KIFC3: variants seen among roughly 807,000 people sequenced by gnomAD.
KIFC3 encodes the protein kinesin family member C3.
KIFC3 carries 60 observed loss-of-function variants against 101.8 expected under a neutral mutation model. The ratio of observed to expected loss-of-function variants is 0.59; its 90% CI spans 0.48 to 0.73. The LOEUF (loss-of-function observed/expected upper bound fraction) is 0.73. KIFC3 is among the 30% of genes least tolerant of loss of function. KIFC3 has a pLI of 0.00. For missense variants in KIFC3, 966 were observed against 1,137.1 expected, an observed-to-expected ratio of 0.85 and a Z score of 2.16; for synonymous variants, 476 against 482.7, an observed-to-expected ratio of 0.99 and a Z score of 0.18.
rs2050879769 is a variant in KIFC3, at chr16:57,769,443, A to G, written c.1218+152T>C. On this transcript the variant is annotated intron_variant, in intron 9 of 19. Transcript: ENST00000445690. The surrounding 1 kb of genome is among the most constrained non-coding windows in gnomAD (Gnocchi z 4.3). The stretch of plus-strand genomic sequence containing the variant: ...AGCAGTCTAGTTTCAAACAGGGCCT[A>G]TAAGGGCAGCAGTAAGTGTCATGGG... 4.3e-6 allele frequency: 4 copies of G among 930,352 alleles called. No individual in the cohort carries two copies. Among genetic ancestry groups the G allele is most frequent in the South Asian group, 3.4e-5 (2 of 58,072 alleles). The allele number at this position is 930,352 out of a possible 1,614,324, so 57.6% of individuals were successfully genotyped here.
intron 12 of KIFC3, among the ~76,000 whole-genome samples, chr16:57,763,454 T>A (rs1377531619): frequency 6.6e-6 from 1 of 151,856 alleles, no homozygotes; most frequent in Non-Finnish European, 1.5e-5. Context: ...GCTAGCCCCT[T>A]CCCCTGTCCA....
intron 11 of KIFC3, among the ~76,000 whole-genome samples, chr16:57,764,893 G>A (rs2050288224): frequency 6.6e-6 from 1 of 150,872 alleles, no homozygotes; most frequent in Non-Finnish European, 1.5e-5. Flanking sequence ...GTGGGAAGAT[G>A]GGAGGGGCCT....
chr16:57,777,992 A>G (rs1265950209), intron 3 of KIFC3, among the ~76,000 whole-genome samples: 1 of 152,064 alleles, frequency 6.6e-6, no homozygotes, highest in Non-Finnish European at 1.5e-5. Flanking sequence ...AAATTAACTC[A>G]AAATAGATCA....
intron 2 of KIFC3, among the ~76,000 whole-genome samples, chr16:57,795,884 G>GTT (rs797031930): frequency 0.079 from 4,622 of 58,428 alleles, 453 homozygotes; most frequent in Non-Finnish European, 0.13. Flanking sequence ...GGGCTTTTTT[G>GTT]TTTTTTTTTT....
intron 1 of KIFC3, among the ~76,000 whole-genome samples, chr16:57,854,049 C>T (rs963594629): frequency 6.6e-6 from 1 of 152,102 alleles, no homozygotes; most frequent in Non-Finnish European, 1.5e-5. Flanking sequence ...TCCAGCAATT[C>T]TGCCACCTCA....
At chr16:57,812,049 T>TC (rs1555627892) in intron 1 of KIFC3, among the ~76,000 whole-genome samples, 1 of 148,806 alleles carries the variant, frequency 6.7e-6, no homozygotes, top group African/African-American at 2.4e-5. Flanking sequence ...TCTCTCTCTT[T>TC]TTTTTTTTTT....
chr16:57,771,727 C>T, intron 4 of KIFC3, 41 bp from the exon 5 acceptor site: 1 of 1,584,322 alleles, frequency 6.3e-7, no homozygotes, highest in Non-Finnish European at 8.6e-7. Context: ...GTGGCGAGGG[C>T]AGATGACGGG....
At chr16:57,770,397 C>T (rs371895804) in intron 7 of KIFC3, 130 bp downstream of exon 7, 11 of 821,396 alleles carry the variant, frequency 1.3e-5, no homozygotes, top group South Asian at 5.8e-5. Context: ...CCCTGGGTCC[C>T]GTGGCCATCG....
intron 1 of KIFC3, among the ~76,000 whole-genome samples, chr16:57,831,879 CAACT>C (rs1485291901): frequency 6.6e-6 from 1 of 152,072 alleles, no homozygotes; most frequent in Non-Finnish European, 1.5e-5. Flanking sequence ...AGGATTCAAG[CAACT>C]AACAGCACAA....
In KIFC3 at chr16:57,802,475, A is replaced by G. The variant is rs138025936; in HGVS notation, c.-145T>C. On this transcript the variant is annotated 5_prime_UTR_variant, in exon 1 of 20. Coordinates refer to ENST00000445690, the MANE Select transcript of KIFC3 (RefSeq NM_001130100.2). This position sits in a 1 kb window ranked among gnomAD's most constrained non-coding sequence, Gnocchi z 5.0. Reference sequence around the variant, plus strand: ...CCACGCCGCCGCCTCCTCCTCGGCCAGCCCGCTCGCGCCCCTCCCGCACAC... The same window carrying G: ...CCACGCCGCCGCCTCCTCCTCGGCCGGCCCGCTCGCGCCCCTCCCGCACAC... The G allele has an allele frequency of 1.7e-3, 1,695 of 983,168 alleles. 14 individuals carry two copies. In the African/African-American group the frequency reaches 0.027, roughly 16 times the overall value. 60.9% of individuals were successfully genotyped at this position (983,168 alleles called of 1,614,324 possible).
chr16:57,765,742 C>A, intron 10 of KIFC3, 102 bp from the exon 11 acceptor site: 1 of 1,169,284 alleles, frequency 8.6e-7, no homozygotes, highest in Non-Finnish European at 1.2e-6. Context: ...CTAGGAGTCC[C>A]CTGACTTTTA....
At chr16:57,840,652 C>T (rs1045666556) in intron 1 of KIFC3, among the ~76,000 whole-genome samples, 8 of 150,478 alleles carry the variant, frequency 5.3e-5, no homozygotes, top group African/African-American at 1.5e-4. Flanking sequence ...CCCAGCTACT[C>T]GGGAGGCTGA....
At chr16:57,834,054 G>C (rs1408754865) in intron 1 of KIFC3, among the ~76,000 whole-genome samples, 1 of 151,938 alleles carries the variant, frequency 6.6e-6, no homozygotes, top group Admixed American at 6.6e-5. Context: ...AGTAGAGACA[G>C]GGTTTCACCG....
chr16:57,816,165 A>G, intron 1 of KIFC3: 1 of 1,244,474 alleles, frequency 8.0e-7, no homozygotes, highest in Non-Finnish European at 1.0e-6. Flanking sequence ...AGGAAAGGGG[A>G]GGGTGCTCCC....
At chr16:57,854,175 C>T (rs2149331855) in intron 1 of KIFC3, among the ~76,000 whole-genome samples, 1 of 152,098 alleles carries the variant, frequency 6.6e-6, no homozygotes. Context: ...CTCTTGAGTT[C>T]AAGCGATTCA....
Position 57,790,062 on chromosome 16 carries a change from C to CTTTT in KIFC3, c.315+4936_315+4937insAAAA, listed in dbSNP as rs1555619619. ...ATTTTTTTTTGCTTTCTTTTTCTTTCTTTCTTTCTTTCTTTCTTTTTTTTT... is the reference window on the plus strand; with the variant it reads ...ATTTTTTTTTGCTTTCTTTTTCTTTCTTTTTTTCTTTCTTTCTTTCTTTTTTTTT... On this transcript the variant is annotated intron_variant, in intron 3 of 19. Coordinates refer to ENST00000445690, the MANE Select transcript of KIFC3 (RefSeq NM_001130100.2). Among the ~76,000 whole-genome samples, 5 of 65,174 alleles carry CTTTT rather than the reference C, an allele frequency of 7.7e-5. No individual in the cohort carries two copies. In the South Asian group the frequency reaches 2.9e-3, roughly 38 times the overall value. The allele number at this position is 65,174 out of a possible 152,430, so 42.8% of individuals were successfully genotyped here.
chr16:57,766,867 C>G lies in KIFC3; in HGVS notation c.1330+7G>C. On this transcript the variant is annotated splice_region_variant and intron_variant, in intron 10 of 19. Transcript: ENST00000445690. ...CCAGCGCCCACCCCCAGCCCTCCTG[C>G]AGTCACCTTTCAGCCGCACGAGCTC... The G allele has an allele frequency of 6.2e-7, 1 of 1,604,048 alleles. No individual in the cohort carries two copies.
chr16:57,759,872 G>A (rs749019161), intron 17 of KIFC3, 36 bp from the exon 18 acceptor site: 29 of 1,489,514 alleles, frequency 1.9e-5, no homozygotes, highest in South Asian at 4.8e-5. Context: ...CGGGGGCCAC[G>A]GCTGCCCTGG....
rs116325568 is a variant in KIFC3, at chr16:57,790,537, C to T, written c.315+4462G>A. On this transcript the variant is annotated intron_variant, in intron 3 of 19. Coordinates refer to ENST00000445690, the MANE Select transcript of KIFC3 (RefSeq NM_001130100.2). ...AAAAAATAAACACGTAGTCTAGAGG[C>T]GGCAAGGCCCGTGTGTGAAGCCTGG... Among the ~76,000 whole-genome samples the T allele has an allele frequency of 5.3e-3, 810 of 152,244 alleles. 2 individuals carry two copies. Among genetic ancestry groups the T allele is most frequent in the African/African-American group, 0.018 (736 of 41,542 alleles).
Sources: allele counts gnomAD v4.1 joint callset (sites outside exome capture counted in the v4.1 genomes callset), GRCh38; gene constraint gnomAD v4.1.1; non-coding constraint Gnocchi (gnomAD v3.1); transcripts MANE v1.5; gene names NCBI Gene and HGNC (gene_info 2026-07-23, HGNC 2026-07-21).